TM7SF3: variants seen among roughly 807,000 people sequenced by gnomAD.
TM7SF3 encodes transmembrane 7 superfamily member 3, also known as seven span transmembrane protein.
A neutral mutation model predicts 65.5 loss-of-function variants in TM7SF3; 60 were observed. The ratio of observed to expected loss-of-function variants is 0.92; its 90% CI spans 0.74 to 1.14. The LOEUF is 1.14. Ranked by LOEUF, TM7SF3 falls within the 50% of genes most tolerant of loss-of-function variation. The pLI, the probability that TM7SF3 is intolerant of heterozygous loss-of-function variation, is 0.00. For missense variants in TM7SF3, 623 were observed against 684.8 expected, an observed-to-expected ratio of 0.91 and a Z score of 1.01; for synonymous variants, 264 against 259.6, an observed-to-expected ratio of 1.02 and a Z score of -0.16.
chr12:26,977,086 C>A (rs1243753257), intron 9 of TM7SF3, among the ~76,000 whole-genome samples: 1 of 152,192 alleles, frequency 6.6e-6, no homozygotes, highest in Non-Finnish European at 1.5e-5. Flanking sequence ...ACCATTCAGT[C>A]CATCTGTAAA....
chr12:26,987,657 A>G (rs1397335760), intron 6 of TM7SF3, among the ~76,000 whole-genome samples: 1 of 152,252 alleles, frequency 6.6e-6, no homozygotes, highest in Admixed American at 6.5e-5. Flanking sequence ...AAGGAGTGAT[A>G]CATTAGAGAA....
chr12:26,991,245 C>T (rs1234724110), intron 5 of TM7SF3, among the ~76,000 whole-genome samples: 3 of 150,854 alleles, frequency 2.0e-5, no homozygotes, highest in African/African-American at 7.3e-5. Context: ...CTCCGCTTCC[C>T]GGGTTCACGC....
At chr12:26,975,986 A>C (rs1939547430) in intron 10 of TM7SF3, among the ~76,000 whole-genome samples, 1 of 152,238 alleles carries the variant, frequency 6.6e-6, no homozygotes, top group South Asian at 2.1e-4. Flanking sequence ...AGGTTGGTGT[A>C]CTAGAGTAAG....
At chr12:27,009,447 G>A (rs968711903) in intron 1 of TM7SF3, among the ~76,000 whole-genome samples, 1 of 151,762 alleles carries the variant, frequency 6.6e-6, no homozygotes, top group Non-Finnish European at 1.5e-5. Context: ...AAAGAATGTT[G>A]AGATGTATTA....
chr12:26,998,414 C>T (rs750231025), intron 3 of TM7SF3, among the ~76,000 whole-genome samples: 6 of 152,150 alleles, frequency 3.9e-5, no homozygotes, highest in Non-Finnish European at 8.8e-5. Context: ...CTCTGCATTT[C>T]CATCCAAATG....
rs769138228 is a variant in TM7SF3 at position 26,990,600 on chromosome 12, T to A, written c.718A>T (p.Thr240Ser). ...GGGAGGGAGGAGAAGGAAACACTTG[T>A]CTTATCATTAGCTGTTAGGGTAACC... ...KVVTLTANDKTSVSFSSLPGQ... is the reference protein window; with the variant it reads ...KVVTLTANDKSSVSFSSLPGQ... Residue 240 changes from threonine to serine, a missense_variant, in exon 6 of 12, where the codon ACA (threonine) becomes TCA (serine). Physicochemically the swap from Thr to Ser is moderately conservative, Grantham distance 58 (BLOSUM62 1). Coordinates refer to ENST00000343028, the MANE Select transcript of TM7SF3 (RefSeq NM_016551.3). 2.8e-5 allele frequency: 45 copies of A among 1,613,854 alleles called. No homozygotes were observed. The highest frequency in any genetic ancestry group is 3.1e-5 in the Non-Finnish European group (36 of 1,179,854).
In TM7SF3 at chr12:26,995,245, C is replaced by A; in HGVS notation, c.682G>T (p.Ala228Ser). 6.2e-7 allele frequency: 1 copy of A among 1,613,620 alleles called. No homozygotes were observed. The highest frequency in any genetic ancestry group is 1.1e-5 in the South Asian group (1 of 91,036). The stretch of plus-strand genomic sequence containing the variant: ...ATGGGACTCAGATTTACCTTGAGAG[C>A]ACTGGCCTTCACCTGGGGCACACTG... ...MVSVPQVKASALKVVTLTAND... is the reference protein window; with the variant it reads ...MVSVPQVKASSLKVVTLTAND... The change falls in exon 5 of 12, where the codon GCT becomes TCT. Residue 228 changes from alanine to serine, a missense_variant. By Grantham distance (99) the Ala-to-Ser change is moderately conservative. Coordinates refer to ENST00000343028, the MANE Select transcript of TM7SF3 (RefSeq NM_016551.3).
rs1565474741 is a variant in TM7SF3 at position 27,014,199 on chromosome 12, G to C, written c.-31C>G. Reference sequence around the variant, plus strand: ...CCTGGGCCGGGCTGGGCCCACGCCAGGGCTGGGGAGAGGTGCGGGCGTGCG... The same window carrying C: ...CCTGGGCCGGGCTGGGCCCACGCCACGGCTGGGGAGAGGTGCGGGCGTGCG... On this transcript the variant is annotated 5_prime_UTR_variant, in exon 1 of 12. Coordinates refer to ENST00000343028, the MANE Select transcript of TM7SF3 (RefSeq NM_016551.3). The C allele has an allele frequency of 1.3e-6, 2 of 1,548,772 alleles. No individual in the cohort carries two copies. The highest frequency in any genetic ancestry group is 2.4e-5 in the East Asian group (1 of 41,000).
intron 3 of TM7SF3, among the ~76,000 whole-genome samples, chr12:26,997,882 G>A (rs1940664989): frequency 7.1e-6 from 1 of 141,208 alleles, no homozygotes; most frequent in Admixed American, 7.4e-5. Flanking sequence ...CTGGAGTGAA[G>A]TGGCGCAATC....
intron 3 of TM7SF3, among the ~76,000 whole-genome samples, chr12:26,998,877 C>T (rs1940710645): frequency 6.6e-6 from 1 of 152,190 alleles, no homozygotes; most frequent in African/African-American, 2.4e-5. Flanking sequence ...CCTCCACACT[C>T]CAGCTGCAGC....
At chr12:26,989,040 A>T (rs1441041214) in intron 6 of TM7SF3, among the ~76,000 whole-genome samples, 1 of 152,220 alleles carries the variant, frequency 6.6e-6, no homozygotes, top group Non-Finnish European at 1.5e-5. Context: ...ATAGTCTATG[A>T]TAAATATAAC....
At chr12:26,982,697 C>A (rs1211812685) in intron 7 of TM7SF3, 76 bp downstream of exon 7, 9 of 987,626 alleles carry the variant, frequency 9.1e-6, no homozygotes, top group African/African-American at 1.6e-5. Flanking sequence ...TAAGTGCTTA[C>A]TCTCCTCACA....
At chr12:26,978,131 T>C (rs1351301248) in intron 9 of TM7SF3, 4 of 433,218 alleles carry the variant, frequency 9.2e-6, no homozygotes, top group Non-Finnish European at 4.6e-6. Flanking sequence ...CCCACTAGCA[T>C]TGAGGAGATG....
At position 26,975,539 on chromosome 12, in the gene TM7SF3, C is replaced by T; in HGVS notation, c.1407G>A (p.Lys469=). The T allele has an allele frequency of 6.2e-7, 1 of 1,614,114 alleles. No homozygotes were observed. Among genetic ancestry groups the T allele is most frequent in the South Asian group, 1.1e-5 (1 of 91,078 alleles). ...CATTTGTGAAAGCTCTGTGGAAATC[C>T]TTGTTGAGCGCTCTCTTGAGTACGT... is the stretch of plus-strand genomic sequence containing the variant. ...TLNVLKRALN[K]DFHRAFTNVP... is the part of the protein sequence containing the mutation. The change falls in exon 11 of 12, where the codon AAG becomes AAA. Residue 469 remains lysine (K), a synonymous_variant. Transcript: ENST00000343028.
intron 3 of TM7SF3, among the ~76,000 whole-genome samples, chr12:26,998,255 C>A (rs960872493): frequency 6.6e-6 from 1 of 152,150 alleles, no homozygotes; most frequent in African/African-American, 2.4e-5. Flanking sequence ...ATAGTAGGCA[C>A]TAGTAAAGTA....
intron 2 of TM7SF3, among the ~76,000 whole-genome samples, chr12:27,001,872 T>C (rs1013077801): frequency 2.6e-5 from 4 of 152,346 alleles, no homozygotes; most frequent in Admixed American, 6.5e-5. Flanking sequence ...AAGGAAGTTA[T>C]GAAATTTAAC....
At chr12:26,997,790 T>C (rs1489704650) in intron 3 of TM7SF3, among the ~76,000 whole-genome samples, 2 of 151,188 alleles carry the variant, frequency 1.3e-5, no homozygotes, top group East Asian at 1.9e-4. Flanking sequence ...GTCAGTTCTC[T>C]TGACCTCTCC....
In TM7SF3 at chr12:26,996,878, G is replaced by A. The variant is rs755084045; in HGVS notation, c.398-16C>T. ...GGGACAGGATCTGGATAAGAAATAG[G>A]GAAGTTACTAAACAAACAATTCCTA... On this transcript the variant is annotated splice_polypyrimidine_tract_variant and intron_variant, in intron 3 of 11. Transcript: ENST00000343028. 1 of 1,594,896 alleles carries A rather than the reference G, an allele frequency of 6.3e-7. No individual in the cohort carries two copies. Among genetic ancestry groups the A allele is most frequent in the Non-Finnish European group, 8.5e-7 (1 of 1,173,716 alleles).
At chr12:26,990,724 T>C (rs1157475456) in intron 5 of TM7SF3, 97 bp from the exon 6 acceptor site, 16 of 905,774 alleles carry the variant, frequency 1.8e-5, no homozygotes, top group Non-Finnish European at 2.7e-5. Flanking sequence ...GGTATATTCA[T>C]AAATTATAAT....
Sources: allele counts gnomAD v4.1 joint callset (sites outside exome capture counted in the v4.1 genomes callset), GRCh38; gene constraint gnomAD v4.1.1; transcripts MANE v1.5; gene names NCBI Gene and HGNC (gene_info 2026-07-23, HGNC 2026-07-21).